The following DLGAP2 variants were observed in gnomAD, a reference collection of about 807,000 sequenced individuals.
DLGAP2 encodes DLG associated protein 2, also known as disks large-associated protein 2.
In DLGAP2, 26 loss-of-function variants were observed where a neutral mutation model predicts 100.3. The observed-to-expected ratio is 0.26, with a 90% CI of 0.19 to 0.36. DLGAP2 has a LOEUF of 0.36. DLGAP2 is among the 10% of genes least tolerant of loss of function. The probability of loss-of-function intolerance (pLI) is 1.00; values close to 1 mark genes in which losing one functional copy is unlikely to be tolerated. For missense variants in DLGAP2, 1,858 were observed against 1,453.2 expected, an observed-to-expected ratio of 1.28 and a Z score of -4.53; for synonymous variants, 886 against 630.1, an observed-to-expected ratio of 1.41 and a Z score of -6.08.
At chr8:1,294,141 G>A (rs149833902) in intron 3 of DLGAP2, among the ~76,000 whole-genome samples, 133 of 152,190 alleles carry the variant, frequency 8.7e-4, no homozygotes, top group African/African-American at 2.8e-3. Flanking sequence ...ATCACCTCCC[G>A]AAACTGTATG....
At chr8:1,322,666 C>T (rs1242669445) in intron 3 of DLGAP2, among the ~76,000 whole-genome samples, 1 of 152,240 alleles carries the variant, frequency 6.6e-6, no homozygotes, top group African/African-American at 2.4e-5. Flanking sequence ...CATGCACCCA[C>T]CCATCGTGCT....
At chr8:819,650 C>G (rs546019247) in intron 1 of DLGAP2, among the ~76,000 whole-genome samples, 2 of 152,168 alleles carry the variant, frequency 1.3e-5, no homozygotes, top group South Asian at 2.1e-4. Flanking sequence ...ATTAACTGTA[C>G]TGTGCATGAC....
intron 6 of DLGAP2, among the ~76,000 whole-genome samples, chr8:1,623,083 G>T (rs1797389529): frequency 6.6e-6 from 1 of 152,184 alleles, no homozygotes; most frequent in Non-Finnish European, 1.5e-5. Flanking sequence ...TTTTTAAAAA[G>T]CCTCTTAAGC....
intron 2 of DLGAP2, among the ~76,000 whole-genome samples, chr8:1,092,550 G>A (rs1204965669): frequency 1.3e-5 from 2 of 152,224 alleles, no homozygotes; most frequent in African/African-American, 4.8e-5. Context: ...AGGGGGCTGT[G>A]GCCGGCTCTG....
At chr8:830,402 C>G (rs540118768) in intron 1 of DLGAP2, among the ~76,000 whole-genome samples, 13 of 152,292 alleles carry the variant, frequency 8.5e-5, no homozygotes, top group African/African-American at 3.1e-4. Context: ...CTTATTCATT[C>G]TTTCCATTTT....
At chr8:1,392,314 G>C (rs1796381100) in intron 3 of DLGAP2, among the ~76,000 whole-genome samples, 1 of 152,120 alleles carries the variant, frequency 6.6e-6, no homozygotes, top group Admixed American at 6.5e-5. Flanking sequence ...GCGCCATCTG[G>C]ATCCAGGGTC....
At chr8:849,417 G>C (rs536980628) in intron 1 of DLGAP2, among the ~76,000 whole-genome samples, 1 of 152,368 alleles carries the variant, frequency 6.6e-6, no homozygotes, top group South Asian at 2.1e-4. Context: ...CTGAGCGCAG[G>C]AGTTTTTGTG....
At chr8:943,027 G>A (rs1158221355) in intron 2 of DLGAP2, among the ~76,000 whole-genome samples, 2 of 152,202 alleles carry the variant, frequency 1.3e-5, no homozygotes, top group Non-Finnish European at 2.9e-5. Flanking sequence ...GGCCACATGG[G>A]CATATTGAGC....
intron 3 of DLGAP2, among the ~76,000 whole-genome samples, chr8:1,303,291 G>A (rs1800405198): frequency 6.6e-6 from 1 of 152,036 alleles, no homozygotes; most frequent in South Asian, 2.1e-4. Flanking sequence ...CAGCTACTCG[G>A]GAGGCTGAGG....
chr8:1,227,948 A>G (rs1194197829), intron 2 of DLGAP2, among the ~76,000 whole-genome samples: 1 of 152,192 alleles, frequency 6.6e-6, no homozygotes. Context: ...GAGATGATGG[A>G]TATGTTATTT....
rs1383145092 is a variant in DLGAP2, at chr8:1,190,612, G to A, written c.74-68239G>A. On this transcript the variant is annotated intron_variant, in intron 2 of 14. Transcript: ENST00000637795. The stretch of plus-strand genomic sequence containing the variant: ...GCAATCAGCATTGAGAGCCAAAACA[G>A]CTGTTTGGTGACTGTGCGAGGTTGT... Among the ~76,000 whole-genome samples the A allele has an allele frequency of 3.3e-5, 5 of 152,296 alleles. No individual in the cohort carries two copies. In the East Asian group the frequency reaches 9.7e-4, roughly 29 times the overall value.
chr8:1,124,266 G>A (rs902428009), intron 2 of DLGAP2, among the ~76,000 whole-genome samples: 5 of 152,176 alleles, frequency 3.3e-5, no homozygotes, highest in East Asian at 1.9e-4. Flanking sequence ...TAAGGAACTC[G>A]CCAAAGAGAA....
chr8:915,831 C>G (rs1027843469), intron 2 of DLGAP2, among the ~76,000 whole-genome samples: 2 of 148,712 alleles, frequency 1.3e-5, no homozygotes, highest in Non-Finnish European at 3.0e-5. Flanking sequence ...TCTCCCCACT[C>G]TCTTTTTTGT....
chr8:1,153,326 C>G (rs764695252), intron 2 of DLGAP2, among the ~76,000 whole-genome samples: 2 of 152,190 alleles, frequency 1.3e-5, no homozygotes, highest in East Asian at 3.9e-4. Flanking sequence ...TAAATCATAA[C>G]TTGCCTACCT....
chr8:1,077,150 G>A (rs899241402), intron 2 of DLGAP2, among the ~76,000 whole-genome samples: 3 of 152,240 alleles, frequency 2.0e-5, no homozygotes, highest in African/African-American at 7.2e-5. Context: ...TTCATGCAGT[G>A]TTCTCCATGT....
intron 2 of DLGAP2, among the ~76,000 whole-genome samples, chr8:1,145,410 G>A (rs1287441478): frequency 6.6e-6 from 1 of 152,186 alleles, no homozygotes; most frequent in Non-Finnish European, 1.5e-5. Flanking sequence ...TGGGAGACCT[G>A]GCTGAGCTGG....
chr8:1,583,070 T>G (rs1425972630), intron 6 of DLGAP2, among the ~76,000 whole-genome samples: 2 of 152,108 alleles, frequency 1.3e-5, no homozygotes, highest in Non-Finnish European at 2.9e-5. Flanking sequence ...AAACAATGGA[T>G]CGTGGAGGAT....
intron 2 of DLGAP2, among the ~76,000 whole-genome samples, chr8:1,203,323 C>T (rs139466173): frequency 2.1e-3 from 304 of 146,966 alleles, no homozygotes; most frequent in African/African-American, 7.1e-3. Context: ...GCGTGTCCTT[C>T]GGTGACGAGG....
chr8:1,693,448 T>C lies in DLGAP2; in HGVS notation c.2796+1822T>C, dbSNP rs1799304698. On this transcript the variant is annotated intron_variant, in intron 13 of 14. Coordinates refer to ENST00000637795, the MANE Select transcript of DLGAP2 (RefSeq NM_001346810.2). ...TATTTTGAGAAATAGTAAATAATAG[T>C]TATGCTACTTAATAAGTTGTTTTAT... Among the ~76,000 whole-genome samples the C allele has an allele frequency of 7.2e-5, 11 of 152,206 alleles. No homozygotes were observed. In the South Asian group the frequency reaches 2.3e-3, roughly 32 times the overall value.
Sources: allele counts gnomAD v4.1 joint callset (sites outside exome capture counted in the v4.1 genomes callset), GRCh38; gene constraint gnomAD v4.1.1; transcripts MANE v1.5; gene names NCBI Gene and HGNC (gene_info 2026-07-23, HGNC 2026-07-21).